Variants in ARHGEF9 observed in about 807,000 individuals in gnomAD.
The protein encoded by ARHGEF9 is Cdc42 guanine nucleotide exchange factor 9, also known as rho guanine nucleotide exchange factor 9.
In ARHGEF9, 2 loss-of-function variants were observed where a neutral mutation model predicts 41.3. The observed-to-expected ratio is 0.05, with a 90% CI of 0.02 to 0.15. ARHGEF9 has a LOEUF of 0.15. Among genes scored for constraint, ARHGEF9 ranks in the 10% least tolerant of loss-of-function variants. ARHGEF9 has a pLI of 1.00. For synonymous variants in ARHGEF9, 160 were observed against 154.4 expected (o/e 1.04, Z -0.27); for missense variants, 225 against 424.7 (o/e 0.53, Z 4.13).
At position 63,706,399 on chromosome X, in the gene ARHGEF9, C is replaced by A. The variant is rs373001354; in HGVS notation, c.261G>T (p.Gln87His). 3.3e-6 allele frequency: 4 copies of A among 1,204,936 alleles called. No individual in the cohort carries two copies. In the African/African-American group the frequency reaches 7.0e-5, roughly 21 times the overall value. The change falls in exon 3 of 10, where the codon CAG becomes CAT. Residue 87 changes from glutamine (Q) to histidine (H), a missense_variant. This residue lies in a region of ARHGEF9 where 114 missense variants were observed against 197.9 expected (regional missense o/e 0.58). Transcript: ENST00000671741. ...DEVEEGPSDV[Q>H]NGHLDPNSDC... ...CTGAATTGGGGTCCAGGTGTCCGTT[C>A]TGCACATCGCTGGGCCCCTCCTCCA... is the stretch of plus-strand genomic sequence containing the variant.
chrX:63,680,113 G>C (rs1206107109), intron 4 of ARHGEF9, among the ~76,000 whole-genome samples: 2 of 111,706 alleles, frequency 1.8e-5, no homozygotes, highest in African/African-American at 3.3e-5. Flanking sequence ...TAAATACTTA[G>C]AAATCAACTT....
chrX:63,686,964 C>T (rs1220804449), intron 4 of ARHGEF9, among the ~76,000 whole-genome samples: 3 of 108,987 alleles, frequency 2.8e-5, no homozygotes, highest in African/African-American at 1.0e-4. Flanking sequence ...ATCTTAGATT[C>T]CTTTCCAGAA....
chrX:63,768,668 G>T (rs782394505), intron 1 of ARHGEF9, among the ~76,000 whole-genome samples: 1 of 112,105 alleles, frequency 8.9e-6, no homozygotes, highest in East Asian at 2.8e-4. Flanking sequence ...GAGGGGACAG[G>T]TGGAGGTAAT....
intron 1 of ARHGEF9, among the ~76,000 whole-genome samples, chrX:63,762,689 T>A (rs1556450157): frequency 1.8e-5 from 2 of 111,816 alleles, no homozygotes; most frequent in South Asian, 7.6e-4. Flanking sequence ...CTGTTGACCC[T>A]TGAACAACAC....
At chrX:63,755,085 T>A in intron 1 of ARHGEF9, 3 of 938,921 alleles carry the variant, frequency 3.2e-6, no homozygotes, top group Non-Finnish European at 4.0e-6. Flanking sequence ...ACTCGTTCGA[T>A]CCCTGCCTTG....
At chrX:63,659,865 C>A (rs2049105005) in intron 7 of ARHGEF9, among the ~76,000 whole-genome samples, 2 of 111,861 alleles carry the variant, frequency 1.8e-5, no homozygotes, top group African/African-American at 6.5e-5. Context: ...ACTGTTATAA[C>A]CCCATCTGAT....
chrX:63,645,464 C>A lies in ARHGEF9; in HGVS notation c.1322-1416G>T, dbSNP rs782627970. Among the ~76,000 whole-genome samples the A allele has an allele frequency of 2.7e-5, 3 of 111,046 alleles. No homozygotes were observed. In the East Asian group the frequency reaches 8.5e-4, roughly 32 times the overall value. On this transcript the variant is annotated intron_variant, in intron 8 of 9. Transcript: ENST00000671741. ...TCATTGTTCAATTCCTACCTATGAG[C>A]GAGAACGTGCGGCGTTTGGTTTTTT...
chrX:63,713,286 G>A (rs1286846319), intron 2 of ARHGEF9, among the ~76,000 whole-genome samples: 2 of 110,760 alleles, frequency 1.8e-5, no homozygotes, highest in African/African-American at 6.6e-5. Context: ...GTTTATAAAG[G>A]AAATGGAAGG....
At chrX:63,668,485 A>G (rs1404355977) in intron 6 of ARHGEF9, among the ~76,000 whole-genome samples, 2 of 111,653 alleles carry the variant, frequency 1.8e-5, no homozygotes, top group African/African-American at 6.5e-5. Flanking sequence ...CCAATTAGAA[A>G]AAAAATTAAA....
At chrX:63,728,481 T>A (rs185844760) in intron 1 of ARHGEF9, among the ~76,000 whole-genome samples, 1 of 112,320 alleles carries the variant, frequency 8.9e-6, no homozygotes, top group East Asian at 2.8e-4. Context: ...TGGGCTTTAC[T>A]ACTTTAGAAA....
intron 8 of ARHGEF9, among the ~76,000 whole-genome samples, chrX:63,648,024 C>G (rs2048244783): frequency 1.8e-5 from 2 of 111,582 alleles, no homozygotes; most frequent in African/African-American, 6.5e-5. Context: ...GGAAAACACT[C>G]TGCAGGATAG....
chrX:63,779,767 A>T (rs2056352613), intron 1 of ARHGEF9, among the ~76,000 whole-genome samples: 1 of 111,775 alleles, frequency 8.9e-6, no homozygotes, highest in Non-Finnish European at 1.9e-5. Flanking sequence ...AGCTGACTAC[A>T]AGCCCTTAGA....
At chrX:63,653,108 A>G (rs2048656703) in intron 8 of ARHGEF9, among the ~76,000 whole-genome samples, 1 of 111,667 alleles carries the variant, frequency 9.0e-6, no homozygotes, top group Admixed American at 9.5e-5. Context: ...ATGGGCTAAT[A>G]CAGGCCCTAA....
At position 63,781,523 on chromosome X, in the gene ARHGEF9, G is replaced by C. The variant is rs144362682; in HGVS notation, c.30+3593C>G. 3.5e-3 allele frequency among the ~76,000 whole-genome samples: 392 copies of C among 111,611 alleles called. 1 individual carries two copies. Among genetic ancestry groups the C allele is most frequent in the Non-Finnish European group, 6.0e-3 (320 of 53,107 alleles). Reference sequence around the variant, plus strand: ...TGTTCTTTCTAGCCCCACTCTTAGCGATCTGAGGGTCCGAGCAGGTGATCA... The same window carrying C: ...TGTTCTTTCTAGCCCCACTCTTAGCCATCTGAGGGTCCGAGCAGGTGATCA... On this transcript the variant is annotated intron_variant, in intron 1 of 9. Transcript: ENST00000671741.
At chrX:63,665,250 A>C (rs1381844427) in intron 7 of ARHGEF9, among the ~76,000 whole-genome samples, 2 of 112,279 alleles carry the variant, frequency 1.8e-5, no homozygotes, top group Non-Finnish European at 3.8e-5. Context: ...GAGTCCTAGA[A>C]ACCAACATAC....
chrX:63,645,620 G>A (rs782065008), intron 8 of ARHGEF9, among the ~76,000 whole-genome samples: 1 of 112,072 alleles, frequency 8.9e-6, no homozygotes, highest in South Asian at 3.7e-4. Context: ...TCTTAATCCA[G>A]TCTATCATTG....
chrX:63,772,220 T>C (rs1305920465), intron 1 of ARHGEF9, among the ~76,000 whole-genome samples: 1 of 111,762 alleles, frequency 8.9e-6, no homozygotes, highest in Non-Finnish European at 1.9e-5. Context: ...CTGTCTTATA[T>C]GTCTCTGAAT....
intron 8 of ARHGEF9, among the ~76,000 whole-genome samples, chrX:63,644,440 T>C (rs2047858668): frequency 9.0e-6 from 1 of 110,942 alleles, no homozygotes; most frequent in Admixed American, 9.7e-5. Flanking sequence ...AATGTATATA[T>C]AGATTATAAA....
intron 1 of ARHGEF9, among the ~76,000 whole-genome samples, chrX:63,762,528 A>G (rs2056051471): frequency 1.8e-5 from 2 of 111,154 alleles, no homozygotes; most frequent in South Asian, 7.7e-4. Flanking sequence ...ATCCCCAAAT[A>G]TTGGTAAAGA....
Sources: gnomAD v4.1 joint callset for allele counts (sites outside exome capture counted in the v4.1 genomes callset) on GRCh38, gnomAD v4.1.1 for gene constraint, gnomAD v4.1.1 regional missense constraint, MANE v1.5 for transcripts, NCBI Gene and HGNC (gene_info 2026-07-23, HGNC 2026-07-21) for gene names.